The following MAP7 variants were observed in gnomAD, a reference collection of about 807,000 sequenced individuals.
MAP7 encodes ensconsin.
Under a neutral mutation model 94.8 loss-of-function variants are expected in MAP7, and 52 were observed. The observed-to-expected ratio is 0.55, with a 90% CI of 0.44 to 0.69. The LOEUF (loss-of-function observed/expected upper bound fraction) is 0.69. Ranked by LOEUF, MAP7 falls within the 30% of genes least tolerant of loss-of-function variation. The pLI, the probability that MAP7 is intolerant of heterozygous loss-of-function variation, is 0.00. For missense variants in MAP7, 940 were observed against 964.6 expected (o/e 0.97, Z 0.34); for synonymous variants, 350 against 357.0 (o/e 0.98, Z 0.22).
At position 136,520,399 on chromosome 6, in the gene MAP7, A is replaced by G. The variant is rs111612732; in HGVS notation, c.67+29943T>C. 7.1e-3 allele frequency among the ~76,000 whole-genome samples: 1,080 copies of G among 152,312 alleles called. 15 individuals are homozygous for G. The highest frequency in any genetic ancestry group is 0.025 in the African/African-American group (1,033 of 41,560). On this transcript the variant is annotated intron_variant, in intron 1 of 17. Coordinates refer to ENST00000354570, the MANE Select transcript of MAP7 (RefSeq NM_003980.6). ...GCTATCAACATTTCTTAGAATTTCT[A>G]TATTATGAAGACCTTCAGAGTCTGT...
chr6:136,362,760 C>T, intron 10 of MAP7, 58 bp from the exon 11 acceptor site: 39 of 1,506,736 alleles, frequency 2.6e-5, no homozygotes, highest in Non-Finnish European at 3.4e-5. Context: ...AGAACAAAAC[C>T]AAAACTAGCA....
intron 1 of MAP7, among the ~76,000 whole-genome samples, chr6:136,545,028 T>G (rs1182518568): frequency 6.6e-5 from 10 of 152,244 alleles, no homozygotes; most frequent in Admixed American, 3.9e-4. Context: ...ATATGTCACC[T>G]TTTTACCTGC....
At chr6:136,542,875 T>A (rs747645747) in intron 1 of MAP7, among the ~76,000 whole-genome samples, 1 of 152,220 alleles carries the variant, frequency 6.6e-6, no homozygotes, top group Non-Finnish European at 1.5e-5. Context: ...AAAAAGGCAC[T>A]ATTTTACTTT....
At chr6:136,393,990 T>A (rs1043353434) in intron 3 of MAP7, among the ~76,000 whole-genome samples, 4 of 144,302 alleles carry the variant, frequency 2.8e-5, no homozygotes, top group Non-Finnish European at 6.1e-5. Flanking sequence ...TTTTTTTTTT[T>A]TTTTTTTTTT....
chr6:136,427,248 G>C (rs1403840122), intron 1 of MAP7, among the ~76,000 whole-genome samples: 2 of 152,222 alleles, frequency 1.3e-5, no homozygotes, highest in Non-Finnish European at 2.9e-5. Flanking sequence ...ACAAACTCCT[G>C]GGAGGATGAG....
At chr6:136,358,042 G>C (rs1275767163) in intron 15 of MAP7, among the ~76,000 whole-genome samples, 2 of 152,154 alleles carry the variant, frequency 1.3e-5, no homozygotes, top group Non-Finnish European at 2.9e-5. Context: ...AATCAGATGT[G>C]GGACTGGGAG....
At chr6:136,375,535 C>T (rs1337517814) in intron 7 of MAP7, among the ~76,000 whole-genome samples, 1 of 152,008 alleles carries the variant, frequency 6.6e-6, no homozygotes, top group Non-Finnish European at 1.5e-5. Context: ...AATGGGAAAA[C>T]ATGAAAGAAT....
intron 3 of MAP7, among the ~76,000 whole-genome samples, chr6:136,399,732 TA>T (rs1266266704): frequency 6.6e-6 from 1 of 152,234 alleles, no homozygotes; most frequent in Non-Finnish European, 1.5e-5. Context: ...TGATTACTTA[TA>T]TTCAAATACA....
intron 17 of MAP7, among the ~76,000 whole-genome samples, chr6:136,344,490 G>A (rs1439663609): frequency 6.6e-6 from 1 of 152,180 alleles, no homozygotes; most frequent in Non-Finnish European, 1.5e-5. Flanking sequence ...GGCATACACA[G>A]ATTGTACTTT....
chr6:136,432,024 G>A (rs1423498507), intron 1 of MAP7, among the ~76,000 whole-genome samples: 1 of 152,146 alleles, frequency 6.6e-6, no homozygotes, highest in Non-Finnish European at 1.5e-5. Context: ...CATCTATCTG[G>A]AAACCAGGAG....
intron 7 of MAP7, among the ~76,000 whole-genome samples, chr6:136,373,704 G>A (rs1431966612): frequency 6.6e-6 from 1 of 152,166 alleles, no homozygotes. Context: ...TTTGGACATG[G>A]TTATAAAAGG....
At chr6:136,420,144 T>C in intron 2 of MAP7, 1 of 897,146 alleles carries the variant, frequency 1.1e-6, no homozygotes, top group Non-Finnish European at 1.9e-6. Flanking sequence ...AAGAAGAAAG[T>C]ATTTTTGGCA....
chr6:136,513,778 T>C (rs973595515), intron 1 of MAP7, among the ~76,000 whole-genome samples: 1 of 152,176 alleles, frequency 6.6e-6, no homozygotes, highest in African/African-American at 2.4e-5. Flanking sequence ...AGACGCATCC[T>C]GTGGAACATG....
chr6:136,454,315 C>A (rs929238072), intron 1 of MAP7, among the ~76,000 whole-genome samples: 5 of 151,484 alleles, frequency 3.3e-5, no homozygotes, highest in Non-Finnish European at 5.9e-5. Flanking sequence ...ATCTATCTAT[C>A]TATCTATCTG....
chr6:136,432,259 A>G (rs923067747), intron 1 of MAP7, among the ~76,000 whole-genome samples: 2 of 152,224 alleles, frequency 1.3e-5, no homozygotes, highest in Admixed American at 6.5e-5. Context: ...AAGTCCATGC[A>G]TCTTAGCCTT....
At chr6:136,387,099 A>C (rs537564999) in intron 5 of MAP7, among the ~76,000 whole-genome samples, 1 of 152,346 alleles carries the variant, frequency 6.6e-6, no homozygotes, top group South Asian at 2.1e-4. Flanking sequence ...GGCGTGAGGT[A>C]CTGCACCTGA....
At chr6:136,452,858 T>G (rs905169223) in intron 1 of MAP7, among the ~76,000 whole-genome samples, 3 of 152,174 alleles carry the variant, frequency 2.0e-5, no homozygotes, top group African/African-American at 7.2e-5. Context: ...CGGCCACTAT[T>G]TGTAATGAAA....
chr6:136,518,696 T>C (rs1825562245), intron 1 of MAP7, among the ~76,000 whole-genome samples: 1 of 152,218 alleles, frequency 6.6e-6, no homozygotes, highest in Admixed American at 6.5e-5. Flanking sequence ...TCAAGGTGCC[T>C]GGAGCCACCT....
At chr6:136,474,150 A>G (rs72977597) in intron 1 of MAP7, among the ~76,000 whole-genome samples, 3,251 of 152,286 alleles carry the variant, frequency 0.021, 64 homozygotes, top group East Asian at 0.11. Flanking sequence ...TTAAGAGGGT[A>G]GAAAGAAAGT....
Sources: gnomAD v4.1 joint callset for allele counts (sites outside exome capture counted in the v4.1 genomes callset) on GRCh38, gnomAD v4.1.1 for gene constraint, MANE v1.5 for transcripts, NCBI Gene and HGNC (gene_info 2026-07-23, HGNC 2026-07-21) for gene names.